The following GABRG1 variants were observed in gnomAD, a reference collection of about 807,000 sequenced individuals.
GABRG1 encodes gamma-aminobutyric acid type A receptor subunit gamma1.
GABRG1 carries 49 observed loss-of-function variants against 49.8 expected under a neutral mutation model. The observed-to-expected ratio is 0.98, with a 90% confidence interval of 0.78 to 1.25. The LOEUF is 1.25. Ranked by LOEUF, GABRG1 falls within the 50% of genes most tolerant of loss-of-function variation. The pLI is 0.00. For missense variants in GABRG1, 552 were observed against 552.3 expected (o/e 1.00, Z 0.01); for synonymous variants, 232 against 185.1 (o/e 1.25, Z -2.06).
intron 2 of GABRG1, among the ~76,000 whole-genome samples, chr4:46,086,010 T>A (rs997301597): frequency 6.6e-6 from 1 of 151,654 alleles, no homozygotes; most frequent in Non-Finnish European, 1.5e-5. Context: ...ATCAAAGATC[T>A]CTTTTTTGCA....
At chr4:46,102,980 G>A (rs1720429652) in intron 1 of GABRG1, among the ~76,000 whole-genome samples, 1 of 151,174 alleles carries the variant, frequency 6.6e-6, no homozygotes, top group South Asian at 2.1e-4. Flanking sequence ...GTTTGCCAAG[G>A]AAAATCTTGG....
chr4:46,079,255 C>G (rs1161044594), intron 3 of GABRG1, among the ~76,000 whole-genome samples: 1 of 151,814 alleles, frequency 6.6e-6, no homozygotes, highest in East Asian at 1.9e-4. Context: ...CTCCAGCATG[C>G]ACTTATTTTG....
At chr4:46,122,751 G>A (rs553375630) in intron 1 of GABRG1, among the ~76,000 whole-genome samples, 21 of 151,918 alleles carry the variant, frequency 1.4e-4, no homozygotes, top group Admixed American at 2.0e-4. Context: ...TAGTTATAAA[G>A]GCATGTTTCT....
At chr4:46,048,387 G>C (rs1422764449) in intron 8 of GABRG1, among the ~76,000 whole-genome samples, 3 of 149,440 alleles carry the variant, frequency 2.0e-5, no homozygotes, top group Non-Finnish European at 4.5e-5. Flanking sequence ...AGGAAGGAAG[G>C]AAGGAAGGAA....
intron 2 of GABRG1, among the ~76,000 whole-genome samples, chr4:46,094,766 C>G (rs1720113258): frequency 6.6e-6 from 1 of 151,884 alleles, no homozygotes; most frequent in Admixed American, 6.6e-5. Context: ...CAATCAAATC[C>G]AAAGTATCTG....
At chr4:46,093,818 A>G (rs1364452588) in intron 2 of GABRG1, among the ~76,000 whole-genome samples, 1 of 152,040 alleles carries the variant, frequency 6.6e-6, no homozygotes, top group Non-Finnish European at 1.5e-5. Context: ...TTCAATATGT[A>G]TAAAGCAAAA....
rs1720461820 is a variant in GABRG1, at chr4:46,104,092, TA to T, written c.105-6744del. ...GTTCTAAACACATAAATGACTTCAT[TA>T]AGGCCTCCAAGCTACTTAGTGCCAA... On this transcript the variant is annotated intron_variant, in intron 1 of 8. Transcript: ENST00000295452. Among the ~76,000 whole-genome samples, 3 of 151,452 alleles carry T rather than the reference TA, an allele frequency of 2.0e-5. No homozygotes were observed. The East Asian group carries it at 5.9e-4, about 30-fold the overall frequency.
In GABRG1 at chr4:46,064,422, CA is replaced by C; in HGVS notation, c.625+18del. 1 of 1,308,950 alleles carries C rather than the reference CA, an allele frequency of 7.6e-7. No homozygotes were observed. Among genetic ancestry groups the C allele is most frequent in the Non-Finnish European group, 1.1e-6 (1 of 950,512 alleles). The allele number at this position is 1,308,950 out of a possible 1,614,324, so 81.1% of individuals were successfully genotyped here. On this transcript the variant is annotated intron_variant, in intron 5 of 8. Coordinates refer to ENST00000295452, the MANE Select transcript of GABRG1 (RefSeq NM_173536.4). ...TAAGGTTAAAATTCTATGAAATTATCAAGTGTTTTGTTACTTACAGCTTGAA... is the reference window on the plus strand; with the variant it reads ...TAAGGTTAAAATTCTATGAAATTATCAGTGTTTTGTTACTTACAGCTTGAA...
intron 3 of GABRG1, among the ~76,000 whole-genome samples, chr4:46,077,877 A>G (rs1719416654): frequency 6.6e-6 from 1 of 151,772 alleles, no homozygotes; most frequent in East Asian, 1.9e-4. Flanking sequence ...AGAGATTCTA[A>G]GGTTAATCTA....
intron 1 of GABRG1, among the ~76,000 whole-genome samples, chr4:46,123,067 T>TTCTC (rs139347395): frequency 0.086 from 12,383 of 143,958 alleles, 1,314 homozygotes; most frequent in African/African-American, 0.26. Flanking sequence ...GGTGACACTT[T>TTCTC]TCTCTCTCTC....
intron 8 of GABRG1, among the ~76,000 whole-genome samples, chr4:46,050,205 C>T (rs370133685): frequency 6.6e-5 from 10 of 151,956 alleles, no homozygotes; most frequent in Non-Finnish European, 1.0e-4. Context: ...GCAAAAATGA[C>T]GTGAAGTTGA....
chr4:46,121,295 A>G (rs1721083914), intron 1 of GABRG1, among the ~76,000 whole-genome samples: 1 of 151,928 alleles, frequency 6.6e-6, no homozygotes, highest in Admixed American at 6.6e-5. Context: ...AAACTAACCA[A>G]AAGAAAGGGA....
intron 8 of GABRG1, among the ~76,000 whole-genome samples, chr4:46,047,185 T>C (rs1449374210): frequency 6.6e-6 from 1 of 152,066 alleles, no homozygotes; most frequent in Non-Finnish European, 1.5e-5. Context: ...TTAATTTTAA[T>C]TAATTTAACC....
intron 3 of GABRG1, among the ~76,000 whole-genome samples, chr4:46,066,490 A>T (rs890302513): frequency 6.6e-6 from 1 of 152,184 alleles, no homozygotes; most frequent in African/African-American, 2.4e-5. Context: ...AACATCTATT[A>T]ATAGAAATAT....
rs530275787 is a variant in GABRG1, at chr4:46,100,483, A to G, written c.105-3134T>C. 2.0e-5 allele frequency among the ~76,000 whole-genome samples: 3 copies of G among 151,774 alleles called. No individual in the cohort carries two copies. The South Asian group carries it at 6.2e-4, about 31-fold the overall frequency. ...CTGAACTTAAAATAAAAGTAAAAAA[A>G]AAATACTGAAGTATTAAGAATCTCT... On this transcript the variant is annotated intron_variant, in intron 1 of 8. Coordinates refer to ENST00000295452, the MANE Select transcript of GABRG1 (RefSeq NM_173536.4).
intron 8 of GABRG1, among the ~76,000 whole-genome samples, chr4:46,050,240 T>C (rs1346656975): frequency 1.3e-5 from 2 of 151,966 alleles, no homozygotes; most frequent in East Asian, 1.9e-4. Flanking sequence ...AATTCTACAA[T>C]GCAAGTTATC....
intron 5 of GABRG1, among the ~76,000 whole-genome samples, chr4:46,059,634 A>C (rs905541069): frequency 1.3e-5 from 2 of 151,982 alleles, no homozygotes; most frequent in Admixed American, 1.3e-4. Flanking sequence ...GCTATTCTCG[A>C]ACCCCTGACC....
At position 46,038,139 on chromosome 4, in the gene GABRG1, G is replaced by T. The variant is rs1426473337; in HGVS notation, c.*2849C>A. ...GTTATCTAATTCCCACTTACATCAA[G>T]ACTTCAGACTTACTGGGAAATTTTT... On this transcript the variant is annotated 3_prime_UTR_variant, in exon 9 of 9. Coordinates refer to ENST00000295452, the MANE Select transcript of GABRG1 (RefSeq NM_173536.4). 1 of 151,498 alleles carries T rather than the reference G, an allele frequency of 6.6e-6. No individual in the cohort carries two copies. The highest frequency in any genetic ancestry group is 2.4e-5 in the African/African-American group (1 of 41,326). The allele number at this position is 151,498 out of a possible 1,614,324, so 9.4% of individuals were successfully genotyped here.
intron 3 of GABRG1, among the ~76,000 whole-genome samples, chr4:46,078,191 G>A (rs1046030280): frequency 6.6e-6 from 1 of 151,928 alleles, no homozygotes. Flanking sequence ...AAATACAAAT[G>A]TGTTTCCTAA....
Sources: gnomAD v4.1 joint callset for allele counts (sites outside exome capture counted in the v4.1 genomes callset) on GRCh38, gnomAD v4.1.1 for gene constraint, MANE v1.5 for transcripts, NCBI Gene and HGNC (gene_info 2026-07-23, HGNC 2026-07-21) for gene names.